The following HOXB4 variants were observed in gnomAD, a reference collection of about 807,000 sequenced individuals.
HOXB4 encodes homeobox B4.
HOXB4 carries 13 observed loss-of-function variants against 20.0 expected under a neutral mutation model. That is an observed-to-expected ratio of 0.65 (90% CI 0.42 to 1.03). The LOEUF (loss-of-function observed/expected upper bound fraction) is 1.03, where lower values mean the gene tolerates loss of function less well. Ranked by LOEUF, HOXB4 falls within the 50% of genes least tolerant of loss-of-function variation. HOXB4 has a pLI of 0.00. For synonymous variants in HOXB4, 173 were observed against 148.9 expected, an observed-to-expected ratio of 1.16 and a Z score of -1.18; for missense variants, 343 against 357.1, an observed-to-expected ratio of 0.96 and a Z score of 0.32.
intron 1 of HOXB4, 70 bp downstream of exon 1, chr17:48,577,793 C>G: frequency 2.3e-6 from 3 of 1,291,254 alleles, no homozygotes; most frequent in Non-Finnish European, 2.0e-6. Flanking sequence ...CCCCCCCAAC[C>G]CATGCCTCCG....
In HOXB4 at chr17:48,576,777, GC is replaced by G. The variant is rs1167678709; in HGVS notation, c.700del (p.Ala234GlnfsTer35). 1.2e-5 allele frequency: 20 copies of G among 1,614,046 alleles called. No homozygotes were observed. The highest frequency in any genetic ancestry group is 1.7e-5 in the Non-Finnish European group (20 of 1,179,976). On this transcript the variant is annotated frameshift_variant, in exon 2 of 2. Transcript: ENST00000332503. LOFTEE classifies it high-confidence loss of function. Reference protein sequence around the residue: ...PNTKIRSGGAAGSAGGPPGRP... With the variant: ...PNTKIRSGGAXGSAGGPPGRP... ...GCCAGGGGGCCCTCCGGCTGAGCCTGCCGCACCACCCGAGCGGATCTTGGTG... is the reference window on the plus strand; with the variant it reads ...GCCAGGGGGCCCTCCGGCTGAGCCTGCGCACCACCCGAGCGGATCTTGGTG...
At position 48,575,971 on chromosome 17, in the gene HOXB4, C is replaced by T. The variant is rs1597850386; in HGVS notation, c.*751G>A. The T allele has an allele frequency of 6.6e-6, 1 of 152,346 alleles. No homozygotes were observed. The highest frequency in any genetic ancestry group is 1.9e-4 in the East Asian group (1 of 5,184). 9.4% of individuals were successfully genotyped at this position (152,346 alleles called of 1,614,324 possible). A position where few individuals can be genotyped will look rare whatever the true frequency, so the allele number is the denominator to read the frequency against. On this transcript the variant is annotated 3_prime_UTR_variant, in exon 2 of 2. Transcript: ENST00000332503. ...TCTCTTTTTCCTTGGACTCAATTTT[C>T]CTGCTCACTCCTGAGTTGTCAAGGC...
chr17:48,578,062 C>A lies in HOXB4; in HGVS notation c.258G>T (p.Pro86=), dbSNP rs2069827453. 1 of 198,608 alleles carries A rather than the reference C, an allele frequency of 5.0e-6. No individual in the cohort carries two copies. Among genetic ancestry groups the A allele is most frequent in the Non-Finnish European group, 6.2e-6 (1 of 162,028 alleles). The allele number at this position is 198,608 out of a possible 1,614,324, so 12.3% of individuals were successfully genotyped here. ...CAGGAGCCCGAGGGGACAGACCGGG[C>A]GGTGGCGGGGGCGGCGGGGGTGGTG... ...PPPPPPPPPP[P]PGLSPRAPAP... Residue 86 remains proline (P), a synonymous_variant, in exon 1 of 2, where the codon CCG becomes CCT. Transcript: ENST00000332503.
In HOXB4 at chr17:48,576,650, T is replaced by TGCCCCCCCCCCCA; in HGVS notation, c.*71_*72insTGGGGGGGGGGGC. The TGCCCCCCCCCCCA allele has an allele frequency of 4.9e-5, 28 of 567,760 alleles. No individual in the cohort carries two copies. The highest frequency in any genetic ancestry group is 6.4e-4 in the Middle Eastern group (1 of 1,566). The allele number at this position is 567,760 out of a possible 1,614,324, so 35.2% of individuals were successfully genotyped here. On this transcript the variant is annotated 3_prime_UTR_variant, in exon 2 of 2. Coordinates refer to ENST00000332503, the MANE Select transcript of HOXB4 (RefSeq NM_024015.5). ...GCCCAGGCCCCAGGGCCCCCTCCTG[T>TGCCCCCCCCCCCA]CCCCCCACCCCATCCCCTGCACTCA...
chr17:48,577,788 C>G lies in HOXB4; in HGVS notation c.457+75G>C, dbSNP rs1015184357. On this transcript the variant is annotated intron_variant, in intron 1 of 1. Coordinates refer to ENST00000332503, the MANE Select transcript of HOXB4 (RefSeq NM_024015.5). ...TTGGCTTCCCCAGCTCAACCCCCCC[C>G]CAACCCATGCCTCCGAAGTCCCTTT... 5.6e-5 allele frequency: 71 copies of G among 1,272,822 alleles called. No individual in the cohort carries two copies. In the African/African-American group the frequency reaches 6.0e-4, roughly 11 times the overall value. The allele number at this position is 1,272,822 out of a possible 1,614,324, so 78.8% of individuals were successfully genotyped here.
intron 1 of HOXB4, 123 bp from the exon 2 acceptor site, chr17:48,577,143 AGG>A: frequency 1.1e-6 from 1 of 935,662 alleles, no homozygotes; most frequent in Non-Finnish European, 1.5e-6. Flanking sequence ...CTTCCTTCTG[AGG>A]GAGAGCGGGG....
chr17:48,576,667 CT>C lies in HOXB4; in HGVS notation c.*54del. ...CCCTCCTGTCCCCCCACCCCATCCC[CT>C]GCACTCACTGCCCACCCCCACCCCG... On this transcript the variant is annotated 3_prime_UTR_variant, in exon 2 of 2. Coordinates refer to ENST00000332503, the MANE Select transcript of HOXB4 (RefSeq NM_024015.5). 24 of 1,292,238 alleles carry C rather than the reference CT, an allele frequency of 1.9e-5. No individual in the cohort carries two copies. Among genetic ancestry groups the C allele is most frequent in the Non-Finnish European group, 2.1e-5 (20 of 956,264 alleles). 80.0% of individuals were successfully genotyped at this position (1,292,238 alleles called of 1,614,324 possible). A position where few individuals can be genotyped will look rare whatever the true frequency, so the allele number is the denominator to read the frequency against.
chr17:48,577,068 G>A (rs3744776), intron 1 of HOXB4, 48 bp from the exon 2 acceptor site: 43,875 of 1,492,524 alleles, frequency 0.029, 1,754 homozygotes, highest in East Asian at 0.23. Context: ...TATTGCCCCC[G>A]AAAGAGAGAG....
At position 48,578,202 on chromosome 17, in the gene HOXB4, C is replaced by T. The variant is rs1312143940; in HGVS notation, c.118G>A (p.Gly40Ser). ...AAGCTGCTCTCTCGCCTCTGGCCGC[C>T]GGCGTAGTACCCGGGCGAGTGGTCG... ...PSDHSPGYYA[G>S]GQRRESSFQP... Residue 40 changes from glycine (G) to serine (S), a missense_variant, in exon 1 of 2, where the codon GGC becomes AGC. Gly to Ser is a moderately conservative substitution (Grantham distance 56). Coordinates refer to ENST00000332503, the MANE Select transcript of HOXB4 (RefSeq NM_024015.5). 6.2e-7 allele frequency: 1 copy of T among 1,613,486 alleles called. No individual in the cohort carries two copies. The highest frequency in any genetic ancestry group is 1.3e-5 in the African/African-American group (1 of 74,892).
Position 48,578,296 on chromosome 17 carries a change from G to T in HOXB4, c.24C>A (p.Ile8=), listed in dbSNP as rs757300409. The T allele has an allele frequency of 1.1e-5, 17 of 1,609,064 alleles. No individual in the cohort carries two copies. Among genetic ancestry groups the T allele is most frequent in the Non-Finnish European group, 1.4e-5 (17 of 1,177,736 alleles). The change falls in exon 1 of 2, where the codon ATC becomes ATA. Residue 8 remains isoleucine, a synonymous_variant. Transcript: ENST00000332503. Reference sequence around the variant, plus strand: ...ACTTGGGGTCGACATAGTTTGAGTTGATCAAAAAAGAACTCATAGCCATTA... The same window carrying T: ...ACTTGGGGTCGACATAGTTTGAGTTTATCAAAAAAGAACTCATAGCCATTA... MAMSSFL[I]NSNYVDPKFP...
rs1321530541 is a variant in HOXB4, at chr17:48,575,712, A to G, written c.*1010T>C. 6.9e-6 allele frequency: 1 copy of G among 145,326 alleles called. No individual in the cohort carries two copies. The highest frequency in any genetic ancestry group is 1.5e-5 in the Non-Finnish European group (1 of 67,324). 9.0% of individuals were successfully genotyped at this position (145,326 alleles called of 1,614,324 possible). On this transcript the variant is annotated 3_prime_UTR_variant, in exon 2 of 2. Transcript: ENST00000332503. ...ATATTATCAATAATAATAATAAACG[A>G]TGCAACATAATAAACTATGGGAGAG...
rs1238365484 is a variant in HOXB4 at position 48,577,031 on chromosome 17, A to G, written c.458-11T>C. ...CGTAATTGGGGTTTACTGGACACAC[A>G]CGGAGAGAGGGAGAAAGAGAAAGTT... On this transcript the variant is annotated splice_polypyrimidine_tract_variant and intron_variant, in intron 1 of 1. Coordinates refer to ENST00000332503, the MANE Select transcript of HOXB4 (RefSeq NM_024015.5). 1.3e-6 allele frequency: 2 copies of G among 1,571,410 alleles called. No homozygotes were observed. The highest frequency in any genetic ancestry group is 1.9e-5 in the Admixed American group (1 of 54,014).
rs202211147 is a variant in HOXB4 at position 48,576,731 on chromosome 17, G to A, written c.747C>T (p.Arg249=). 494 of 1,514,196 alleles carry A rather than the reference G, an allele frequency of 3.3e-4. No homozygotes were observed. In the African/African-American group the frequency reaches 6.0e-3, roughly 18 times the overall value. The allele number at this position is 1,514,196 out of a possible 1,614,324, so 93.8% of individuals were successfully genotyped here. A position where few individuals can be genotyped will look rare whatever the true frequency, so the allele number is the denominator to read the frequency against. Reference sequence around the variant, plus strand: ...CCCGCGTGCGGGGGCACTAGAGCGCGCGGGGGCCTCCATTGGGCCGGCCAG... The same window carrying A: ...CCCGCGTGCGGGGGCACTAGAGCGCACGGGGGCCTCCATTGGGCCGGCCAG... ...GPPGRPNGGP[R]AL is the part of the protein sequence containing the mutation. Residue 249 remains arginine, a synonymous_variant, in exon 2 of 2, where the codon CGC becomes CGT. Transcript: ENST00000332503.
chr17:48,576,041 A>G lies in HOXB4; in HGVS notation c.*681T>C, dbSNP rs1484754251. The G allele has an allele frequency of 6.6e-6, 1 of 152,020 alleles. No individual in the cohort carries two copies. Among genetic ancestry groups the G allele is most frequent in the Non-Finnish European group, 1.5e-5 (1 of 67,998 alleles). The allele number at this position is 152,020 out of a possible 1,614,324, so 9.4% of individuals were successfully genotyped here. On this transcript the variant is annotated 3_prime_UTR_variant, in exon 2 of 2. Transcript: ENST00000332503. ...TCCCCTCCTCTGTTGCCCACCCCCA[A>G]CCCCACGGTGGAAGTGGGTGAGCAG... is the stretch of plus-strand genomic sequence containing the variant.
Position 48,578,100 on chromosome 17 carries a change from G to C in HOXB4, c.220C>G (p.Pro74Ala), listed in dbSNP as rs768812050. The change falls in exon 1 of 2, where the codon CCG becomes GCG. Residue 74 changes from proline (P) to alanine (A), a missense_variant. Pro to Ala is a conservative substitution (Grantham distance 27). Transcript: ENST00000332503. ...GGCGGGGGTGGTGGCGGAGGCGGCGGGGGCCCAGGGTCCCGGCAGGCCGCG... is the reference window on the plus strand; with the variant it reads ...GGCGGGGGTGGTGGCGGAGGCGGCGCGGGCCCAGGGTCCCGGCAGGCCGCG... ...RYAACRDPGP[P>A]PPPPPPPPPP... 8.4e-7 allele frequency: 1 copy of C among 1,185,388 alleles called. No homozygotes were observed. The highest frequency in any genetic ancestry group is 1.1e-6 in the Non-Finnish European group (1 of 923,868). 73.4% of individuals were successfully genotyped at this position (1,185,388 alleles called of 1,614,324 possible).
Position 48,576,650 on chromosome 17 carries a change from T to TTCCCCCCCCCC in HOXB4, c.*71_*72insGGGGGGGGGGA. 1 of 567,770 alleles carries TTCCCCCCCCCC rather than the reference T, an allele frequency of 1.8e-6. No homozygotes were observed. The highest frequency in any genetic ancestry group is 4.0e-5 in the Admixed American group (1 of 24,886). The allele number at this position is 567,770 out of a possible 1,614,324, so 35.2% of individuals were successfully genotyped here. ...GCCCAGGCCCCAGGGCCCCCTCCTG[T>TTCCCCCCCCCC]CCCCCCACCCCATCCCCTGCACTCA... On this transcript the variant is annotated 3_prime_UTR_variant, in exon 2 of 2. Transcript: ENST00000332503.
Position 48,577,936 on chromosome 17 carries a change from G to A in HOXB4, c.384C>T (p.His128=), listed in dbSNP as rs1427641944. The change falls in exon 1 of 2, where the codon CAC becomes CAT. Residue 128 remains histidine, a synonymous_variant. Transcript: ENST00000332503. The part of the protein sequence containing the change: ...PPPPCAQNPL[H]PSPSHSACKE... ...TGCACGCGGAGTGGGACGGGCTGGG[G>A]TGCAGGGGGTTCTGGGCGCAGGGAG... 2 of 1,345,374 alleles carry A rather than the reference G, an allele frequency of 1.5e-6. No homozygotes were observed. Among genetic ancestry groups the A allele is most frequent in the Non-Finnish European group, 1.9e-6 (2 of 1,041,762 alleles). 83.3% of individuals were successfully genotyped at this position (1,345,374 alleles called of 1,614,324 possible). A position where few individuals can be genotyped will look rare whatever the true frequency, so the allele number is the denominator to read the frequency against.
At position 48,575,735 on chromosome 17, in the gene HOXB4, G is replaced by T; in HGVS notation, c.*987C>A. 1 of 152,560 alleles carries T rather than the reference G, an allele frequency of 6.6e-6. No individual in the cohort carries two copies. Among genetic ancestry groups the T allele is most frequent in the African/African-American group, 2.4e-5 (1 of 41,410 alleles). The allele number at this position is 152,560 out of a possible 1,614,324, so 9.5% of individuals were successfully genotyped here. On this transcript the variant is annotated 3_prime_UTR_variant, in exon 2 of 2. Coordinates refer to ENST00000332503, the MANE Select transcript of HOXB4 (RefSeq NM_024015.5). ...CGATGCAACATAATAAACTATGGGA[G>T]AGGGCTCTGCAACATCCTCCTCCCA... is the stretch of plus-strand genomic sequence containing the variant.
chr17:48,576,693 G>A lies in HOXB4; in HGVS notation c.*29C>T, dbSNP rs1402978569. The A allele has an allele frequency of 6.5e-6, 2 of 307,780 alleles. No homozygotes were observed. The highest frequency in any genetic ancestry group is 1.5e-4 in the African/African-American group (2 of 13,420). The allele number at this position is 307,780 out of a possible 1,614,324, so 19.1% of individuals were successfully genotyped here. On this transcript the variant is annotated 3_prime_UTR_variant, in exon 2 of 2. Transcript: ENST00000332503. ...TGCACTCACTGCCCACCCCCACCCCGAGGTTCGTGGCTCCCGCGTGCGGGG... is the reference window on the plus strand; with the variant it reads ...TGCACTCACTGCCCACCCCCACCCCAAGGTTCGTGGCTCCCGCGTGCGGGG...
Sources: gnomAD v4.1 joint callset for allele counts on GRCh38, gnomAD v4.1.1 for gene constraint, MANE v1.5 for transcripts, NCBI Gene and HGNC (gene_info 2026-07-23, HGNC 2026-07-21) for gene names.